The following ALMS1 variants were observed in gnomAD, a reference collection of about 807,000 sequenced individuals.
ALMS1 encodes centrosome-associated protein ALMS1.
A neutral mutation model predicts 352.2 loss-of-function variants in ALMS1; 271 were observed. That is an observed-to-expected ratio of 0.77 (90% CI 0.70 to 0.85). ALMS1 has a LOEUF of 0.85. ALMS1 is among the 40% of genes least tolerant of loss of function. The pLI, the probability that ALMS1 is intolerant of heterozygous loss-of-function variation, is 0.00. For synonymous variants in ALMS1, 1,865 were observed against 1,761.2 expected (o/e 1.06, Z -1.48); for missense variants, 5,445 against 4,870.7 (o/e 1.12, Z -3.51).
At position 73,490,278 on chromosome 2, in the gene ALMS1, A is replaced by G. The variant is rs759986439; in HGVS notation, c.8319A>G (p.Ser2773=). The G allele has an allele frequency of 1.2e-6, 2 of 1,613,760 alleles. No homozygotes were observed. The highest frequency in any genetic ancestry group is 1.1e-5 in the South Asian group (1 of 90,964). The change falls in exon 10 of 23, where the codon TCA becomes TCG. Residue 2773 remains serine (S), a synonymous_variant. Coordinates refer to ENST00000613296, the MANE Select transcript of ALMS1 (RefSeq NM_001378454.1). The part of the protein sequence containing the change: ...DLKQKTSSPS[S]FKMHSNSQDK... The stretch of plus-strand genomic sequence containing the variant: ...AACAGAAAACCTCTTCCCCTTCATC[A>G]TTTAAAATGCATAGTAATTCACAAG...
intron 9 of ALMS1, among the ~76,000 whole-genome samples, chr2:73,476,540 C>T (rs989297765): frequency 5.3e-5 from 8 of 152,050 alleles, no homozygotes; most frequent in Admixed American, 3.3e-4. Flanking sequence ...ACTGATTTCT[C>T]CACATCCTTG....
At chr2:73,589,003 A>G (rs548462572) in intron 16 of ALMS1, among the ~76,000 whole-genome samples, 16 of 152,276 alleles carry the variant, frequency 1.1e-4, no homozygotes, top group South Asian at 1.0e-3. Context: ...AAATATACAT[A>G]CCTATGTGTA....
At chr2:73,606,274 A>G (rs759700356) in intron 21 of ALMS1, among the ~76,000 whole-genome samples, 1 of 152,254 alleles carries the variant, frequency 6.6e-6, no homozygotes, top group Non-Finnish European at 1.5e-5. Context: ...GTATCAATAG[A>G]TAAAACCTAC....
intron 11 of ALMS1, among the ~76,000 whole-genome samples, chr2:73,533,597 A>G (rs1022605347): frequency 6.6e-6 from 1 of 152,178 alleles, no homozygotes; most frequent in African/African-American, 2.4e-5. Context: ...ATGTTCACAC[A>G]TGGCTGTAAG....
At chr2:73,601,976 G>A (rs1201506679) in intron 19 of ALMS1, among the ~76,000 whole-genome samples, 1 of 152,194 alleles carries the variant, frequency 6.6e-6, no homozygotes, top group Admixed American at 6.5e-5. Flanking sequence ...GGCCTATGCT[G>A]AAGGCATGTC....
At chr2:73,603,418 A>C in intron 21 of ALMS1, 114 bp downstream of exon 21, 1 of 956,954 alleles carries the variant, frequency 1.0e-6, no homozygotes, top group Non-Finnish European at 1.7e-6. Context: ...AAACATTATG[A>C]GAAAGTTGTG....
At chr2:73,428,987 A>T (rs1342126869) in intron 6 of ALMS1, among the ~76,000 whole-genome samples, 1 of 152,220 alleles carries the variant, frequency 6.6e-6, no homozygotes, top group South Asian at 2.1e-4. Context: ...TGAAAAGAAC[A>T]TAGAGATTTT....
intron 16 of ALMS1, among the ~76,000 whole-genome samples, chr2:73,595,781 T>G (rs1458195577): frequency 6.6e-6 from 1 of 152,242 alleles, no homozygotes; most frequent in Non-Finnish European, 1.5e-5. Context: ...TTTCTCCACT[T>G]CCTTGTCAAC....
At chr2:73,552,579 T>C (rs1319981655) in intron 13 of ALMS1, among the ~76,000 whole-genome samples, 1 of 152,204 alleles carries the variant, frequency 6.6e-6, no homozygotes, top group Non-Finnish European at 1.5e-5. Context: ...ACATTTGAAA[T>C]AAAGTCAGGC....
chr2:73,543,355 A>C (rs1395261955), intron 12 of ALMS1, among the ~76,000 whole-genome samples: 1 of 152,208 alleles, frequency 6.6e-6, no homozygotes, highest in Non-Finnish European at 1.5e-5. Context: ...TACCTTATAC[A>C]AAAATTAATT....
At chr2:73,538,222 A>G (rs958100710) in intron 12 of ALMS1, among the ~76,000 whole-genome samples, 3 of 152,098 alleles carry the variant, frequency 2.0e-5, no homozygotes, top group Admixed American at 6.5e-5. Flanking sequence ...AACCCAAACA[A>G]TCTGATTCAT....
At chr2:73,495,366 C>G (rs1173226235) in intron 10 of ALMS1, among the ~76,000 whole-genome samples, 1 of 152,130 alleles carries the variant, frequency 6.6e-6, no homozygotes, top group African/African-American at 2.4e-5. Flanking sequence ...TCCAGAGTAG[C>G]TGGGATTACA....
chr2:73,532,577 C>T (rs764308895), intron 11 of ALMS1, among the ~76,000 whole-genome samples: 20 of 152,194 alleles, frequency 1.3e-4, no homozygotes, highest in Admixed American at 8.5e-4. Context: ...AGGGCTCTTT[C>T]GTCACCTTGG....
At chr2:73,399,308 G>C (rs565278757) in intron 1 of ALMS1, among the ~76,000 whole-genome samples, 1 of 152,020 alleles carries the variant, frequency 6.6e-6, no homozygotes, top group Non-Finnish European at 1.5e-5. Context: ...GTATTATGTC[G>C]TCATTGTGTT....
rs397972016 is a variant in ALMS1 at position 73,391,294 on chromosome 2, C to CT, written c.324+5119dup. Among the ~76,000 whole-genome samples the CT allele has an allele frequency of 7.9e-3, 904 of 114,908 alleles. 22 individuals carry two copies. Among genetic ancestry groups the CT allele is most frequent in the Non-Finnish European group, 9.4e-3 (565 of 60,156 alleles). The allele number at this position is 114,908 out of a possible 152,430, so 75.4% of individuals were successfully genotyped here. A position where few individuals can be genotyped will look rare whatever the true frequency, so the allele number is the denominator to read the frequency against. On this transcript the variant is annotated intron_variant, in intron 1 of 22. Transcript: ENST00000613296. ...TTAACCTATTCATATACGTTTTATT[C>CT]TTTTTTTTTTTTTTTTTGAGACGGA...
At chr2:73,541,513 A>T (rs1446365131) in intron 12 of ALMS1, among the ~76,000 whole-genome samples, 1 of 152,246 alleles carries the variant, frequency 6.6e-6, no homozygotes, top group African/African-American at 2.4e-5. Context: ...GGCAAGAAAT[A>T]ACTAAGAGCA....
chr2:73,485,169 A>G (rs1374405767), intron 9 of ALMS1, among the ~76,000 whole-genome samples: 7 of 152,026 alleles, frequency 4.6e-5, no homozygotes, highest in African/African-American at 1.7e-4. Context: ...TAGAGTTTCC[A>G]GTTTTTCTGC....
chr2:73,600,362 G>A (rs1028014206), intron 17 of ALMS1, among the ~76,000 whole-genome samples: 1 of 152,110 alleles, frequency 6.6e-6, no homozygotes, highest in African/African-American at 2.4e-5. Context: ...CTACCAAAAG[G>A]ACTCTTAAGT....
chr2:73,549,096 C>T (rs1674377381), intron 12 of ALMS1, among the ~76,000 whole-genome samples: 1 of 152,162 alleles, frequency 6.6e-6, no homozygotes, highest in Non-Finnish European at 1.5e-5. Context: ...TTGCCATATA[C>T]ATACTAGGAG....
Sources: allele counts gnomAD v4.1 joint callset (sites outside exome capture counted in the v4.1 genomes callset), GRCh38; gene constraint gnomAD v4.1.1; transcripts MANE v1.5; gene names NCBI Gene and HGNC (gene_info 2026-07-23, HGNC 2026-07-21).